PTPRS: variants seen among roughly 807,000 people sequenced by gnomAD.
PTPRS encodes the protein protein tyrosine phosphatase receptor type S.
In PTPRS, 63 loss-of-function variants were observed where a neutral mutation model predicts 215.3. That is an observed-to-expected ratio of 0.29 (90% CI 0.24 to 0.36). The LOEUF is 0.36. PTPRS is among the 10% of genes least tolerant of loss of function. The pLI is 1.00. For synonymous variants in PTPRS, 1,404 were observed against 1,191.4 expected (o/e 1.18, Z -3.68); for missense variants, 2,258 against 2,825.8 (o/e 0.80, Z 4.56).
chr19:5,229,636 G>T lies in PTPRS; in HGVS notation c.2204C>A (p.Thr735Lys). ...CGAGCGCCACAGCACGCGGATGGCCGTGGCGTTGAGCGCCTCCGCCTCCAC... is the reference window on the plus strand; with the variant it reads ...CGAGCGCCACAGCACGCGGATGGCCTTGGCGTTGAGCGCCTCCGCCTCCAC... The part of the protein sequence containing the change: ...RKVEAEALNA[T>K]AIRVLWRSPA... Residue 735 changes from threonine to lysine, a missense_variant, in exon 15 of 38, where the codon ACG (threonine) becomes AAG (lysine). Thr to Lys is a moderately conservative substitution (Grantham distance 78, BLOSUM62 -1). Transcript: ENST00000262963. 7.4e-7 allele frequency: 1 copy of T among 1,348,728 alleles called. No individual in the cohort carries two copies. The highest frequency in any genetic ancestry group is 1.9e-5 in the South Asian group (1 of 51,998). 83.5% of individuals were successfully genotyped at this position (1,348,728 alleles called of 1,614,324 possible). A position where few individuals can be genotyped will look rare whatever the true frequency, so the allele number is the denominator to read the frequency against.
intron 19 of PTPRS, among the ~76,000 whole-genome samples, 179 bp downstream of exon 19, chr19:5,221,944 C>T (rs1043820229): frequency 6.6e-6 from 1 of 152,176 alleles, no homozygotes; most frequent in African/African-American, 2.4e-5. Flanking sequence ...ATCTCCAATC[C>T]TAGGCTGGGC....
At position 5,290,607 on chromosome 19, in the gene PTPRS, C is replaced by T. The variant is rs566375541; in HGVS notation, c.-94-4373G>A. On this transcript the variant is annotated intron_variant, in intron 1 of 37. Transcript: ENST00000262963. ...CGGGGGCTCCTCGGGCCAGAGGAGG[C>T]TCCCGGTGCCTCTCCCAGCCCAGGC... Among the ~76,000 whole-genome samples, 16 of 152,224 alleles carry T rather than the reference C, an allele frequency of 1.1e-4. No individual in the cohort carries two copies. In the East Asian group the frequency reaches 1.8e-3, roughly 17 times the overall value.
intron 33 of PTPRS, among the ~76,000 whole-genome samples, chr19:5,211,316 A>G (rs2040856758): frequency 6.6e-6 from 1 of 152,218 alleles, no homozygotes; most frequent in African/African-American, 2.4e-5. Flanking sequence ...ACTCATGAAA[A>G]TAAGAAATAT....
At chr19:5,278,425 C>CA (rs1371861566) in intron 2 of PTPRS, among the ~76,000 whole-genome samples, 1 of 152,086 alleles carries the variant, frequency 6.6e-6, no homozygotes, top group Admixed American at 6.6e-5. Context: ...AGGCTGGTCT[C>CA]AAACTCCTGT....
At chr19:5,216,832 C>G (rs1043692165) in intron 25 of PTPRS, 65 bp from the exon 26 acceptor site, 1 of 1,062,080 alleles carries the variant, frequency 9.4e-7, no homozygotes, top group Non-Finnish European at 1.4e-6. Flanking sequence ...CCACCTCTGC[C>G]TCCCCCACCC....
In PTPRS at chr19:5,244,541, C is replaced by CT. The variant is rs775132964; in HGVS notation, c.989-60dup. The CT allele has an allele frequency of 1.3e-5, 18 of 1,421,356 alleles. No homozygotes were observed. Among genetic ancestry groups the CT allele is most frequent in the Non-Finnish European group, 1.7e-5 (18 of 1,033,992 alleles). 88.0% of individuals were successfully genotyped at this position (1,421,356 alleles called of 1,614,324 possible). A position where few individuals can be genotyped will look rare whatever the true frequency, so the allele number is the denominator to read the frequency against. On this transcript the variant is annotated intron_variant, in intron 10 of 37. Coordinates refer to ENST00000262963, the MANE Select transcript of PTPRS (RefSeq NM_002850.4). This position sits in a 1 kb window ranked among gnomAD's most constrained non-coding sequence, Gnocchi z 7.2. ...GCACATTGGTTGAGGACCCTGAAGG[C>CT]TGTGTGACTTTTCACCATTCAGTCG...
intron 1 of PTPRS, among the ~76,000 whole-genome samples, chr19:5,302,130 C>A (rs1205381213): frequency 6.6e-6 from 1 of 151,982 alleles, no homozygotes; most frequent in Non-Finnish European, 1.5e-5. Context: ...CCTTGGGAGG[C>A]CAAGGCAGGA....
intron 1 of PTPRS, among the ~76,000 whole-genome samples, chr19:5,327,708 C>A (rs1460970261): frequency 1.3e-5 from 2 of 152,132 alleles, no homozygotes; most frequent in African/African-American, 4.8e-5. Context: ...TCAAGCAATC[C>A]TCCCACCTCA....
At chr19:5,297,822 T>G (rs984378294) in intron 1 of PTPRS, among the ~76,000 whole-genome samples, 1 of 147,440 alleles carries the variant, frequency 6.8e-6, no homozygotes, top group African/African-American at 2.5e-5. Context: ...AGACAGAGTC[T>G]CGTTCCATCG....
chr19:5,322,427 T>C (rs968350758), intron 1 of PTPRS, among the ~76,000 whole-genome samples: 3 of 152,124 alleles, frequency 2.0e-5, no homozygotes, highest in Non-Finnish European at 4.4e-5. Flanking sequence ...AAAGGGGCTA[T>C]TTCTGGAGGC....
At chr19:5,231,223 A>G in intron 14 of PTPRS, 87 bp downstream of exon 14, 1 of 1,392,370 alleles carries the variant, frequency 7.2e-7, no homozygotes, top group Non-Finnish European at 9.6e-7. Flanking sequence ...CCCTTTGACC[A>G]CCAGCCCAGG....
At chr19:5,297,401 T>A in intron 1 of PTPRS, among the ~76,000 whole-genome samples, 1 of 152,204 alleles carries the variant, frequency 6.6e-6, no homozygotes, top group East Asian at 1.9e-4. Flanking sequence ...TCATTCATTC[T>A]TTCCCTGTAC....
chr19:5,229,304 G>A lies in PTPRS; in HGVS notation c.2376+12C>T, dbSNP rs1262215804. ...GCACAGCAGTAGGTGGGTGGCCAGG[G>A]GCGCTACTTACATATTCGGCCGTGT... On this transcript the variant is annotated intron_variant, in intron 16 of 37. Coordinates refer to ENST00000262963, the MANE Select transcript of PTPRS (RefSeq NM_002850.4). The A allele has an allele frequency of 5.1e-6, 7 of 1,379,596 alleles. No individual in the cohort carries two copies. Among genetic ancestry groups the A allele is most frequent in the Non-Finnish European group, 6.6e-6 (7 of 1,061,906 alleles). 85.5% of individuals were successfully genotyped at this position (1,379,596 alleles called of 1,614,324 possible). A position where few individuals can be genotyped will look rare whatever the true frequency, so the allele number is the denominator to read the frequency against.
At chr19:5,330,076 C>CAAAAAA (rs10690740) in intron 1 of PTPRS, among the ~76,000 whole-genome samples, 2 of 74,466 alleles carry the variant, frequency 2.7e-5, no homozygotes, top group South Asian at 4.2e-4. Flanking sequence ...GACTCTGTCT[C>CAAAAAA]AAAAAAAAAA....
chr19:5,295,299 G>A lies in PTPRS; in HGVS notation c.-94-9065C>T, dbSNP rs1365872936. Among the ~76,000 whole-genome samples, 1 of 152,212 alleles carries A rather than the reference G, an allele frequency of 6.6e-6. No homozygotes were observed. The highest frequency in any genetic ancestry group is 1.5e-5 in the Non-Finnish European group (1 of 68,032). On this transcript the variant is annotated intron_variant, in intron 1 of 37. Coordinates refer to ENST00000262963, the MANE Select transcript of PTPRS (RefSeq NM_002850.4). The surrounding 1 kb of genome is among the most constrained non-coding windows in gnomAD (Gnocchi z 4.6). ...CCTGGCTCTGGGCTGCCCAGGACTC[G>A]GGACGGCAGACAAGGGCTTGCCAGC...
In PTPRS at chr19:5,257,260, T is replaced by C. The variant is rs2045627820; in HGVS notation, c.706+757A>G. Among the ~76,000 whole-genome samples the C allele has an allele frequency of 6.6e-6, 1 of 150,386 alleles. No individual in the cohort carries two copies. Among genetic ancestry groups the C allele is most frequent in the Non-Finnish European group, 1.5e-5 (1 of 67,562 alleles). On this transcript the variant is annotated intron_variant, in intron 8 of 37. Coordinates refer to ENST00000262963, the MANE Select transcript of PTPRS (RefSeq NM_002850.4). This position sits in a 1 kb window ranked among gnomAD's most constrained non-coding sequence, Gnocchi z 4.4. ...TCCTTGGGGCAGGGGAGCGGGGAGGTGCTGGGGCGAGGCCCCCACGCTGCT... is the reference window on the plus strand; with the variant it reads ...TCCTTGGGGCAGGGGAGCGGGGAGGCGCTGGGGCGAGGCCCCCACGCTGCT...
Position 5,208,354 on chromosome 19 carries a change from G to A in PTPRS, c.5525C>T (p.Thr1842Ile). ...TGGCACACCCTGTTCCGGCCAGTCTGTGAACTGGAACTGCCGGACAGTCCG... is the reference window on the plus strand; with the variant it reads ...TGGCACACCCTGTTCCGGCCAGTCTATGAACTGGAACTGCCGGACAGTCCG... ...QSRTVRQFQF[T>I]DWPEQGVPKS... is the part of the protein sequence containing the mutation. The change falls in exon 36 of 38, where the codon ACA becomes ATA. Residue 1842 changes from threonine to isoleucine, a missense_variant. Thr to Ile is a moderately conservative substitution (Grantham distance 89). This residue lies in a region of PTPRS where 927 missense variants were observed against 1,125.9 expected (regional missense o/e 0.82). Coordinates refer to ENST00000262963, the MANE Select transcript of PTPRS (RefSeq NM_002850.4). 1 of 1,613,052 alleles carries A rather than the reference G, an allele frequency of 6.2e-7. No homozygotes were observed. The highest frequency in any genetic ancestry group is 8.5e-7 in the Non-Finnish European group (1 of 1,179,396).
rs565915688 is a variant in PTPRS, at chr19:5,223,914, T to C, written c.2495-617A>G. Among the ~76,000 whole-genome samples, 45 of 151,642 alleles carry C rather than the reference T, an allele frequency of 3.0e-4. No individual in the cohort carries two copies. The East Asian group carries it at 3.2e-3, about 11-fold the overall frequency. ...TCAAGGCTGGGTGTGGTGGCTCACA[T>C]CTGTAAGTAATCCCAGCACTTTGGG... On this transcript the variant is annotated intron_variant, in intron 17 of 37. Coordinates refer to ENST00000262963, the MANE Select transcript of PTPRS (RefSeq NM_002850.4).
Position 5,210,396 on chromosome 19 carries a change from A to G in PTPRS, c.5487+73T>C. Reference sequence around the variant, plus strand: ...TGCCTAACCCTTGGCCTTTGTATCCATCACCAACCAGGGCAGCCCTTTCCA... The same window carrying G: ...TGCCTAACCCTTGGCCTTTGTATCCGTCACCAACCAGGGCAGCCCTTTCCA... On this transcript the variant is annotated intron_variant, in intron 35 of 37. Coordinates refer to ENST00000262963, the MANE Select transcript of PTPRS (RefSeq NM_002850.4). The surrounding 1 kb of genome is among the most constrained non-coding windows in gnomAD (Gnocchi z 4.5). 6.2e-7 allele frequency: 1 copy of G among 1,601,124 alleles called. No homozygotes were observed. The highest frequency in any genetic ancestry group is 8.5e-7 in the Non-Finnish European group (1 of 1,171,738).
Sources: gnomAD v4.1 joint callset for allele counts (sites outside exome capture counted in the v4.1 genomes callset) on GRCh38, gnomAD v4.1.1 for gene constraint, gnomAD v4.1.1 regional missense constraint, Gnocchi (gnomAD v3.1) non-coding constraint, MANE v1.5 for transcripts, NCBI Gene and HGNC (gene_info 2026-07-23, HGNC 2026-07-21) for gene names.